Variants in C9 observed in about 807,000 individuals in gnomAD.
C9 encodes complement component C9.
A neutral mutation model predicts 65.4 loss-of-function variants in C9; 63 were observed. The observed-to-expected ratio is 0.96, with a 90% CI of 0.79 to 1.19. The LOEUF is 1.19. Ranked by LOEUF, C9 falls within the 50% of genes most tolerant of loss-of-function variation. The pLI is 0.00. For synonymous variants in C9, 229 were observed against 227.9 expected (o/e 1.00, Z -0.04); for missense variants, 744 against 670.1 (o/e 1.11, Z -1.22).
At chr5:39,307,397 T>C (rs529028117) in intron 8 of C9, among the ~76,000 whole-genome samples, 1 of 152,244 alleles carries the variant, frequency 6.6e-6, no homozygotes, top group African/African-American at 2.4e-5. Context: ...AGAAGAGAAA[T>C]TGGAAACTTA....
intron 5 of C9, among the ~76,000 whole-genome samples, chr5:39,329,902 T>C (rs1456011159): frequency 1.3e-5 from 2 of 152,216 alleles, no homozygotes; most frequent in East Asian, 3.8e-4. Flanking sequence ...TAAGTTTGTG[T>C]TCTTTTATGT....
chr5:39,328,543 GT>G (rs1426652416), intron 5 of C9, among the ~76,000 whole-genome samples: 9 of 152,260 alleles, frequency 5.9e-5, no homozygotes, highest in Admixed American at 4.6e-4. Flanking sequence ...CCAAATCAGA[GT>G]TTTTCTGGAT....
At chr5:39,311,003 G>T in intron 7 of C9, 134 bp downstream of exon 7, 1 of 977,410 alleles carries the variant, frequency 1.0e-6, no homozygotes, top group Non-Finnish European at 1.6e-6. Context: ...CAAAGGGCAG[G>T]AAGAGAGTCC....
In C9 at chr5:39,285,053, A is replaced by G. The variant is rs1056804571; in HGVS notation, c.*146T>C. 2.6e-5 allele frequency: 18 copies of G among 702,696 alleles called. No individual in the cohort carries two copies. Among genetic ancestry groups the G allele is most frequent in the Admixed American group, 5.1e-5 (2 of 39,546 alleles). The allele number at this position is 702,696 out of a possible 1,614,324, so 43.5% of individuals were successfully genotyped here. A position where few individuals can be genotyped will look rare whatever the true frequency, so the allele number is the denominator to read the frequency against. ...AGAAAAATTTAAAAAAAAATTATAG[A>G]CCTAAGAGAGAAGAGACTTCAGAGG... On this transcript the variant is annotated 3_prime_UTR_variant, in exon 11 of 11. Transcript: ENST00000263408.
chr5:39,318,200 G>T (rs1015414741), intron 5 of C9, among the ~76,000 whole-genome samples: 4 of 152,022 alleles, frequency 2.6e-5, no homozygotes, highest in African/African-American at 9.7e-5. Context: ...CATTAATTTT[G>T]CATCCTGAGA....
At chr5:39,361,982 T>C (rs973741146) in intron 1 of C9, among the ~76,000 whole-genome samples, 1 of 152,166 alleles carries the variant, frequency 6.6e-6, no homozygotes, top group African/African-American at 2.4e-5. Flanking sequence ...AGGAAGGTTA[T>C]TATTTTTTTT....
Position 39,316,022 on chromosome 5 carries a change from C to T in C9, c.623G>A (p.Gly208Asp). 1 of 1,611,324 alleles carries T rather than the reference C, an allele frequency of 6.2e-7. No individual in the cohort carries two copies. Among genetic ancestry groups the T allele is most frequent in the Non-Finnish European group, 8.5e-7 (1 of 1,178,430 alleles). Residue 208 changes from glycine to aspartate, a missense_variant, in exon 6 of 11, where the codon GGC (glycine) becomes GAC (aspartate). Gly to Asp is a moderately conservative substitution (Grantham distance 94, BLOSUM62 -1). Coordinates refer to ENST00000263408, the MANE Select transcript of C9 (RefSeq NM_001737.5). The stretch of plus-strand genomic sequence containing the variant: ...ATGTTCGGTTCTGAAATTTTTCTCG[C>T]CTTTGGTCTAAAAGAGAATAAAAAA... ...NVASLIYETKGEKNFRTEHYE... is the reference protein window; with the variant it reads ...NVASLIYETKDEKNFRTEHYE...
rs2111826692 is a variant in C9 at position 39,284,919 on chromosome 5, T to A, written c.*280A>T. The A allele has an allele frequency of 2.4e-6, 1 of 417,802 alleles. No individual in the cohort carries two copies. Among genetic ancestry groups the A allele is most frequent in the African/African-American group, 2.0e-5 (1 of 49,484 alleles). 25.9% of individuals were successfully genotyped at this position (417,802 alleles called of 1,614,324 possible). A position where few individuals can be genotyped will look rare whatever the true frequency, so the allele number is the denominator to read the frequency against. On this transcript the variant is annotated 3_prime_UTR_variant, in exon 11 of 11. Coordinates refer to ENST00000263408, the MANE Select transcript of C9 (RefSeq NM_001737.5). The stretch of plus-strand genomic sequence containing the variant: ...TTCTGTTTTTAATTTAATTTTGTTT[T>A]TTTTTAGAAGAGATTGGCATTTTCC...
chr5:39,310,501 T>G (rs920258540), intron 7 of C9, among the ~76,000 whole-genome samples: 2 of 152,172 alleles, frequency 1.3e-5, no homozygotes, highest in African/African-American at 2.4e-5. Flanking sequence ...TCAGTAGGCC[T>G]ATCTTCTACC....
chr5:39,298,082 G>A (rs967950852), intron 9 of C9, among the ~76,000 whole-genome samples: 1 of 151,566 alleles, frequency 6.6e-6, no homozygotes, highest in African/African-American at 2.4e-5. Context: ...CCCATGTGTA[G>A]AAGAGAAAGT....
intron 5 of C9, among the ~76,000 whole-genome samples, chr5:39,326,630 T>C (rs2111918941): frequency 6.6e-6 from 1 of 152,352 alleles, no homozygotes; most frequent in South Asian, 2.1e-4. Context: ...TGCCTATGAC[T>C]TCAACCCTGA....
At chr5:39,332,230 G>C (rs899604468) in intron 4 of C9, among the ~76,000 whole-genome samples, 1 of 152,158 alleles carries the variant, frequency 6.6e-6, no homozygotes, top group Admixed American at 6.5e-5. Flanking sequence ...ACATGTGCAT[G>C]TAATTTTTCA....
At position 39,289,013 on chromosome 5, in the gene C9, A is replaced by G; in HGVS notation, c.1417-62T>C. The G allele has an allele frequency of 3.4e-6, 3 of 883,370 alleles. No individual in the cohort carries two copies. In the South Asian group the frequency reaches 4.0e-5, roughly 12 times the overall value. 54.7% of individuals were successfully genotyped at this position (883,370 alleles called of 1,614,324 possible). ...TTAACTGAGAGAACTTGTAGAATAC[A>G]CTTTACTTAATTATTCATTCACTGA... On this transcript the variant is annotated intron_variant, in intron 9 of 10. Coordinates refer to ENST00000263408, the MANE Select transcript of C9 (RefSeq NM_001737.5).
rs200805329 is a variant in C9, at chr5:39,284,915, G to GT, written c.*283dup. 2.9e-3 allele frequency: 1,150 copies of GT among 400,850 alleles called. No homozygotes were observed. The highest frequency in any genetic ancestry group is 5.0e-3 in the Middle Eastern group (7 of 1,390). 24.8% of individuals were successfully genotyped at this position (400,850 alleles called of 1,614,324 possible). Reference sequence around the variant, plus strand: ...AACATTCTGTTTTTAATTTAATTTTGTTTTTTTTTAGAAGAGATTGGCATT... The same window carrying GT: ...AACATTCTGTTTTTAATTTAATTTTGTTTTTTTTTTAGAAGAGATTGGCATT... On this transcript the variant is annotated 3_prime_UTR_variant, in exon 11 of 11. Coordinates refer to ENST00000263408, the MANE Select transcript of C9 (RefSeq NM_001737.5).
At chr5:39,325,540 C>T (rs929520761) in intron 5 of C9, among the ~76,000 whole-genome samples, 9 of 151,976 alleles carry the variant, frequency 5.9e-5, no homozygotes, top group Admixed American at 1.3e-4. Flanking sequence ...TTTGGGAGGC[C>T]GAGGCAGGCG....
intron 10 of C9, among the ~76,000 whole-genome samples, chr5:39,286,733 C>A (rs1184994528): frequency 6.6e-6 from 1 of 151,564 alleles, no homozygotes; most frequent in South Asian, 2.1e-4. Flanking sequence ...TTTTTTGGAA[C>A]GCAAAGCACT....
Position 39,306,788 on chromosome 5 carries a change from G to A in C9, c.1245C>T (p.Asn415=), listed in dbSNP as rs1400489104. ...CATCTATGAGGTTTTCACTGGTGAT[G>A]TTTACTGAGGAGAGAAGGAAGATTT... ...CVKRGEGRAV[N]ITSENLIDDV... is the part of the protein sequence containing the mutation. Residue 415 remains asparagine, a synonymous_variant, in exon 9 of 11, where the codon AAC becomes AAT. Coordinates refer to ENST00000263408, the MANE Select transcript of C9 (RefSeq NM_001737.5). The A allele has an allele frequency of 2.5e-6, 4 of 1,608,298 alleles. No homozygotes were observed. Among genetic ancestry groups the A allele is most frequent in the African/African-American group, 1.3e-5 (1 of 74,786 alleles).
chr5:39,348,161 T>C (rs1754245698), intron 1 of C9, among the ~76,000 whole-genome samples: 2 of 151,980 alleles, frequency 1.3e-5, no homozygotes, highest in Admixed American at 1.3e-4. Flanking sequence ...AAAGCCAAAA[T>C]TGACAAATGG....
intron 9 of C9, among the ~76,000 whole-genome samples, chr5:39,289,894 A>C (rs1235610356): frequency 6.6e-6 from 1 of 151,914 alleles, no homozygotes; most frequent in African/African-American, 2.4e-5. Context: ...CAAGTAAATG[A>C]AAGGTGAATT....
Sources: allele counts gnomAD v4.1 joint callset (sites outside exome capture counted in the v4.1 genomes callset), GRCh38; gene constraint gnomAD v4.1.1; transcripts MANE v1.5; gene names NCBI Gene and HGNC (gene_info 2026-07-23, HGNC 2026-07-21).